BCAR3: variants seen among roughly 807,000 people sequenced by gnomAD.
The protein encoded by BCAR3 is BCAR3 adaptor protein, NSP family member.
A neutral mutation model predicts 80.1 loss-of-function variants in BCAR3; 37 were observed. That is an observed-to-expected ratio of 0.46 (90% CI 0.36 to 0.61). The LOEUF (loss-of-function observed/expected upper bound fraction) is 0.61. Among genes scored for constraint, BCAR3 ranks in the 20% least tolerant of loss-of-function variants. The probability of loss-of-function intolerance (pLI) is 0.00; values close to 1 mark genes in which losing one functional copy is unlikely to be tolerated. For synonymous variants in BCAR3, 389 were observed against 418.9 expected (o/e 0.93, Z 0.87); for missense variants, 978 against 1,068.2 (o/e 0.92, Z 1.18).
chr1:93,779,121 T>C (rs570176636), intron 2 of BCAR3, among the ~76,000 whole-genome samples: 175 of 152,180 alleles, frequency 1.1e-3, no homozygotes, highest in African/African-American at 4.0e-3. Flanking sequence ...GTCTAAAACT[T>C]TGAGGGAGAA....
chr1:93,716,424 T>C (rs911219902), intron 2 of BCAR3, among the ~76,000 whole-genome samples: 1 of 152,158 alleles, frequency 6.6e-6, no homozygotes, highest in Non-Finnish European at 1.5e-5. Flanking sequence ...ATTTCTCTGC[T>C]CAAAACCCAC....
At chr1:93,847,012 C>CCA (rs1557709608) in intron 1 of BCAR3, 3 of 134,078 alleles carry the variant, frequency 2.2e-5, no homozygotes, top group African/African-American at 7.0e-5. Flanking sequence ...GCGGCTGGGT[C>CCA]GGGCGCGGCG....
chr1:93,694,832 A>G (rs1649329760), intron 3 of BCAR3, among the ~76,000 whole-genome samples: 1 of 152,228 alleles, frequency 6.6e-6, no homozygotes, highest in Non-Finnish European at 1.5e-5. Context: ...CACCCTGGAA[A>G]TGGCTGGGGT....
chr1:93,613,226 T>C (rs961908929), intron 3 of BCAR3, among the ~76,000 whole-genome samples: 7 of 152,172 alleles, frequency 4.6e-5, no homozygotes, highest in African/African-American at 1.7e-4. Context: ...GGCAGGCAAA[T>C]AGAACACAGG....
intron 9 of BCAR3, among the ~76,000 whole-genome samples, chr1:93,570,036 A>C (rs1232599187): frequency 6.6e-6 from 1 of 152,220 alleles, no homozygotes; most frequent in Non-Finnish European, 1.5e-5. Flanking sequence ...TATCATGAAA[A>C]TCTGGCAGAA....
At position 93,826,558 on chromosome 1, in the gene BCAR3, G is replaced by T. The variant is rs572423126; in HGVS notation, c.-63+19009C>A. Among the ~76,000 whole-genome samples, 25 of 152,258 alleles carry T rather than the reference G, an allele frequency of 1.6e-4. No homozygotes were observed. In the South Asian group the frequency reaches 5.0e-3, roughly 30 times the overall value. ...TTCATTCATACTTCATTTACTGAGG[G>T]CCTACCGTGTGCAGGAAGTGATCCT... On this transcript the variant is annotated intron_variant, in intron 2 of 13. Coordinates refer to the BCAR3 transcript ENST00000370244.
intron 1 of BCAR3, among the ~76,000 whole-genome samples, chr1:93,680,440 C>T (rs1043481001): frequency 2.6e-5 from 4 of 152,140 alleles, no homozygotes; most frequent in Non-Finnish European, 1.5e-5. Context: ...CATTGTTACC[C>T]GGGTAGCCCC....
chr1:93,563,243 TCTG>T (rs1391246604), intron 11 of BCAR3, among the ~76,000 whole-genome samples: 1 of 152,220 alleles, frequency 6.6e-6, no homozygotes, highest in Non-Finnish European at 1.5e-5. Context: ...CAACCACTGA[TCTG>T]CTTTCTGTTG....
At chr1:93,593,441 C>G (rs1674294163) in intron 3 of BCAR3, among the ~76,000 whole-genome samples, 1 of 152,100 alleles carries the variant, frequency 6.6e-6, no homozygotes, top group Non-Finnish European at 1.5e-5. Flanking sequence ...GCCTTGGCCT[C>G]CTGGGCTCAA....
chr1:93,699,578 C>T (rs1157144794), intron 3 of BCAR3, among the ~76,000 whole-genome samples: 2 of 152,100 alleles, frequency 1.3e-5, no homozygotes, highest in Non-Finnish European at 2.9e-5. Context: ...CTCCTCCTCC[C>T]GGCCCCATGT....
At chr1:93,581,654 G>A (rs552169791) in intron 7 of BCAR3, among the ~76,000 whole-genome samples, 27 of 152,212 alleles carry the variant, frequency 1.8e-4, no homozygotes, top group African/African-American at 5.8e-4. Flanking sequence ...GTGATCCACC[G>A]CCTAGGCCTC....
chr1:93,592,946 T>C lies in BCAR3; in HGVS notation c.358-553A>G, dbSNP rs745902172. ...CAAATGGACAGAGCAATTTTATGTC[T>C]CTTGAATCTAATAACAGAAGTCTGT... On this transcript the variant is annotated intron_variant, in intron 3 of 11. Coordinates refer to ENST00000260502, the MANE Select transcript of BCAR3 (RefSeq NM_003567.4). This position sits in a 1 kb window ranked among gnomAD's most constrained non-coding sequence, Gnocchi z 4.8. 6.6e-6 allele frequency among the ~76,000 whole-genome samples: 1 copy of C among 152,246 alleles called. No homozygotes were observed. Among genetic ancestry groups the C allele is most frequent in the African/African-American group, 2.4e-5 (1 of 41,468 alleles).
At chr1:93,754,306 CA>C (rs148996143) in intron 2 of BCAR3, 1 of 152,314 alleles carries the variant, frequency 6.6e-6, no homozygotes, top group African/African-American at 2.4e-5. Context: ...ACACAGAGAT[CA>C]CTGAGAGTTT....
intron 7 of BCAR3, among the ~76,000 whole-genome samples, chr1:93,579,626 C>G (rs546996569): frequency 3.1e-4 from 47 of 152,248 alleles, no homozygotes; most frequent in Non-Finnish European, 6.2e-4. Context: ...GTGGGCAGGT[C>G]CCAGGCCTCC....
In BCAR3 at chr1:93,663,916, T is replaced by C. The variant is rs1647776759; in HGVS notation, c.317+10698A>G. Among the ~76,000 whole-genome samples the C allele has an allele frequency of 3.3e-5, 5 of 152,194 alleles. No individual in the cohort carries two copies. The South Asian group carries it at 8.3e-4, about 25-fold the overall frequency. The stretch of plus-strand genomic sequence containing the variant: ...TGGAACTGGGGTCACAGCATTGTTT[T>C]TAATTGTCCTGAACTGTGTTTCTCT... On this transcript the variant is annotated intron_variant, in intron 2 of 11. Coordinates refer to ENST00000260502, the MANE Select transcript of BCAR3 (RefSeq NM_003567.4).
chr1:93,754,114 T>G (rs1234059670), intron 2 of BCAR3: 2 of 152,246 alleles, frequency 1.3e-5, no homozygotes, highest in African/African-American at 4.8e-5. Flanking sequence ...AGGTTGGGAC[T>G]AGCACTCCCA....
At chr1:93,612,998 C>T (rs568940131) in intron 3 of BCAR3, among the ~76,000 whole-genome samples, 2 of 152,294 alleles carry the variant, frequency 1.3e-5, no homozygotes, top group East Asian at 1.9e-4. Context: ...AACATCATAA[C>T]CCTGCTGCAG....
rs1005002683 is a variant in BCAR3, at chr1:93,586,518, G to C, written c.930-2397C>G. Among the ~76,000 whole-genome samples the C allele has an allele frequency of 3.3e-5, 5 of 152,168 alleles. No individual in the cohort carries two copies. Among genetic ancestry groups the C allele is most frequent in the African/African-American group, 1.2e-4 (5 of 41,452 alleles). On this transcript the variant is annotated intron_variant, in intron 5 of 11. Coordinates refer to ENST00000260502, the MANE Select transcript of BCAR3 (RefSeq NM_003567.4). This position sits in a 1 kb window ranked among gnomAD's most constrained non-coding sequence, Gnocchi z 4.2. ...CAGTGCTGCAACAAACATTGGTGCAGGTATCTCTTTGATATACTGATTTCC... is the reference window on the plus strand; with the variant it reads ...CAGTGCTGCAACAAACATTGGTGCACGTATCTCTTTGATATACTGATTTCC...
chr1:93,772,637 C>T (rs1014474658), intron 2 of BCAR3, among the ~76,000 whole-genome samples: 4 of 152,106 alleles, frequency 2.6e-5, no homozygotes, highest in Admixed American at 6.5e-5. Flanking sequence ...TGGAATCTCA[C>T]TCTGTCCCCA....
Sources: allele counts gnomAD v4.1 joint callset (sites outside exome capture counted in the v4.1 genomes callset), GRCh38; gene constraint gnomAD v4.1.1; non-coding constraint Gnocchi (gnomAD v3.1); transcripts MANE v1.5; gene names NCBI Gene and HGNC (gene_info 2026-07-23, HGNC 2026-07-21).